Variants in FER observed in about 807,000 individuals in gnomAD.
The protein encoded by FER is FER tyrosine kinase.
In FER, 63 loss-of-function variants were observed where a neutral mutation model predicts 111.0. The ratio of observed to expected loss-of-function variants is 0.57; its 90% confidence interval spans 0.46 to 0.70. The LOEUF (loss-of-function observed/expected upper bound fraction) is 0.70, where lower values mean the gene tolerates loss of function less well. Among genes scored for constraint, FER ranks in the 30% least tolerant of loss-of-function variants. The probability of loss-of-function intolerance (pLI) is 0.00; values close to 1 mark genes in which losing one functional copy is unlikely to be tolerated. For missense variants in FER, 914 were observed against 954.0 expected (o/e 0.96, Z 0.55); for synonymous variants, 327 against 313.9 (o/e 1.04, Z -0.44).
At chr5:108,817,411 T>C (rs1186856723) in intron 3 of FER, among the ~76,000 whole-genome samples, 1 of 152,150 alleles carries the variant, frequency 6.6e-6, no homozygotes, top group Admixed American at 6.5e-5. Context: ...CACAGAACCA[T>C]TTATTTTGAG....
rs1201171303 is a variant in FER at position 108,959,179 on chromosome 5, A to G, written c.1534-46A>G. The G allele has an allele frequency of 2.6e-5, 41 of 1,574,264 alleles. No individual in the cohort carries two copies. In the Admixed American group the frequency reaches 7.7e-4, roughly 29 times the overall value. On this transcript the variant is annotated intron_variant, in intron 12 of 19. Transcript: ENST00000281092. ...ATTTATCAATGAATGTAGATTTTCT[A>G]AAGCAATGTCTTCACATTTATTCTA...
rs200823666 is a variant in FER at position 108,914,225 on chromosome 5, GTC to G, written c.1236+16383_1236+16384del. ...ACCAAAATGAAAGCATGCTTAACTT[GTC>G]TCTCTGTGTGTGTGTGTGTGTGTGT... On this transcript the variant is annotated intron_variant, in intron 10 of 19. Coordinates refer to ENST00000281092, the MANE Select transcript of FER (RefSeq NM_005246.4). 7.1e-3 allele frequency among the ~76,000 whole-genome samples: 956 copies of G among 135,348 alleles called. 2 individuals are homozygous for G. Among genetic ancestry groups the G allele is most frequent in the East Asian group, 0.013 (67 of 5,020 alleles). 88.8% of individuals were successfully genotyped at this position (135,348 alleles called of 152,430 possible). A position where few individuals can be genotyped will look rare whatever the true frequency, so the allele number is the denominator to read the frequency against.
chr5:109,052,450 T>G, intron 16 of FER: 1 of 1,246,028 alleles, frequency 8.0e-7, no homozygotes, highest in Non-Finnish European at 1.2e-6. Context: ...AGTGCTCCAG[T>G]CACGCATGTT....
chr5:109,034,504 C>G (rs72790565), intron 13 of FER, among the ~76,000 whole-genome samples: 16,809 of 151,766 alleles, frequency 0.11, 1,028 homozygotes, highest in Non-Finnish European at 0.14. Context: ...ATTTTTTAAC[C>G]TATTGGCTTC....
chr5:108,937,467 T>G (rs1755627489), intron 10 of FER, among the ~76,000 whole-genome samples: 2 of 151,972 alleles, frequency 1.3e-5, no homozygotes, highest in South Asian at 4.1e-4. Flanking sequence ...GTGAGTAGAC[T>G]TGGTTCAGGT....
chr5:108,922,214 C>T, intron 10 of FER, among the ~76,000 whole-genome samples: 1 of 152,200 alleles, frequency 6.6e-6, no homozygotes, highest in Admixed American at 6.5e-5. Flanking sequence ...GACTTCTGGC[C>T]TCCAGAACTG....
intron 16 of FER, among the ~76,000 whole-genome samples, chr5:109,073,528 G>T (rs1775997601): frequency 6.6e-6 from 1 of 152,090 alleles, no homozygotes; most frequent in African/African-American, 2.4e-5. Flanking sequence ...TTTGTTTTGT[G>T]TGGTTTATAT....
intron 17 of FER, among the ~76,000 whole-genome samples, chr5:109,109,988 G>A (rs1481984245): frequency 6.6e-6 from 1 of 152,190 alleles, no homozygotes; most frequent in African/African-American, 2.4e-5. Flanking sequence ...TGTTAACAAG[G>A]TTGAATCCTT....
At chr5:108,999,850 A>G (rs1216802543) in intron 13 of FER, among the ~76,000 whole-genome samples, 2 of 151,864 alleles carry the variant, frequency 1.3e-5, no homozygotes, top group Non-Finnish European at 2.9e-5. Flanking sequence ...TACTGTTTAA[A>G]TTTGCTTCAA....
intron 14 of FER, among the ~76,000 whole-genome samples, chr5:109,042,859 C>G (rs1771375651): frequency 6.6e-6 from 1 of 152,026 alleles, no homozygotes; most frequent in Non-Finnish European, 1.5e-5. Context: ...GTACATGTAA[C>G]AGTTGGGGGT....
At chr5:109,029,220 CTT>C (rs558664340) in intron 13 of FER, among the ~76,000 whole-genome samples, 23 of 109,962 alleles carry the variant, frequency 2.1e-4, no homozygotes, top group African/African-American at 6.1e-4. Context: ...TTTAGGCTTT[CTT>C]TTTTTTTTTT....
intron 1 of FER, among the ~76,000 whole-genome samples, chr5:108,757,810 G>T (rs1751285013): frequency 6.6e-6 from 1 of 152,034 alleles, no homozygotes; most frequent in African/African-American, 2.4e-5. Flanking sequence ...CTAACTTCTG[G>T]GATAATAGGG....
chr5:108,778,733 G>C lies in FER; in HGVS notation c.-60+10495G>C, dbSNP rs1295090121. Among the ~76,000 whole-genome samples, 3 of 152,196 alleles carry C rather than the reference G, an allele frequency of 2.0e-5. No homozygotes were observed. In the East Asian group the frequency reaches 5.8e-4, roughly 29 times the overall value. ...TAACGGTCCTTTTTCAGAAATATCTGTTATAAATATATTTTCCCAGTTTGT... is the reference window on the plus strand; with the variant it reads ...TAACGGTCCTTTTTCAGAAATATCTCTTATAAATATATTTTCCCAGTTTGT... On this transcript the variant is annotated intron_variant, in intron 2 of 19. Coordinates refer to ENST00000281092, the MANE Select transcript of FER (RefSeq NM_005246.4).
intron 17 of FER, among the ~76,000 whole-genome samples, chr5:109,101,407 T>C (rs568360609): frequency 6.6e-6 from 1 of 152,090 alleles, no homozygotes; most frequent in Admixed American, 6.6e-5. Flanking sequence ...AGGCTTTGCT[T>C]TAACACTCTA....
At chr5:109,161,260 C>T (rs955377216) in intron 17 of FER, among the ~76,000 whole-genome samples, 3 of 151,522 alleles carry the variant, frequency 2.0e-5, no homozygotes, top group Admixed American at 2.0e-4. Flanking sequence ...CCATAAGTAT[C>T]TTGAAATATT....
At chr5:109,091,161 T>A (rs891798432) in intron 16 of FER, among the ~76,000 whole-genome samples, 1 of 152,202 alleles carries the variant, frequency 6.6e-6, no homozygotes, top group Non-Finnish European at 1.5e-5. Context: ...CAATGCATTT[T>A]GGAGATCTTA....
At chr5:108,927,267 T>C in intron 10 of FER, among the ~76,000 whole-genome samples, 1 of 126,420 alleles carries the variant, frequency 7.9e-6, no homozygotes, top group Non-Finnish European at 1.6e-5. Context: ...TTTTTTTTTT[T>C]TTTTGAGACG....
chr5:109,142,436 C>G (rs957852199), intron 17 of FER, among the ~76,000 whole-genome samples: 7 of 151,948 alleles, frequency 4.6e-5, no homozygotes, highest in Non-Finnish European at 7.4e-5. Flanking sequence ...CAGGCAGGCT[C>G]CATCTGGAAA....
chr5:109,028,856 G>C (rs1769159282), intron 13 of FER, among the ~76,000 whole-genome samples: 1 of 152,126 alleles, frequency 6.6e-6, no homozygotes, highest in East Asian at 1.9e-4. Flanking sequence ...AATCCCATTT[G>C]AGTTTTGGAG....
Sources: allele counts gnomAD v4.1 joint callset (sites outside exome capture counted in the v4.1 genomes callset), GRCh38; gene constraint gnomAD v4.1.1; transcripts MANE v1.5; gene names NCBI Gene and HGNC (gene_info 2026-07-23, HGNC 2026-07-21).